Variants in GSTO2 observed in about 807,000 individuals in gnomAD.
GSTO2 encodes the protein glutathione S-transferase omega-2.
A neutral mutation model predicts 28.4 loss-of-function variants in GSTO2; 23 were observed. That is an observed-to-expected ratio of 0.81 (90% CI 0.58 to 1.15). GSTO2 has a LOEUF of 1.15. GSTO2 is among the 50% of genes most tolerant of loss of function. The probability of loss-of-function intolerance (pLI) is 0.00; values close to 1 mark genes in which losing one functional copy is unlikely to be tolerated. For synonymous variants in GSTO2, 109 were observed against 111.0 expected (o/e 0.98, Z 0.11); for missense variants, 298 against 297.8 (o/e 1.00, Z 0.00).
chr10:104,293,585 T>TTTTTTTTTTTTTTTTTTTTTGGG (rs2012885593), intron 5 of GSTO2, among the ~76,000 whole-genome samples: 3 of 145,540 alleles, frequency 2.1e-5, no homozygotes, highest in Non-Finnish European at 4.5e-5. Context: ...TTTTTTTTTT[T>TTTTTTTTTTTTTTTTTTTTTGGG]GCGACAAGGT....
rs181397641 is a variant in GSTO2, at chr10:104,302,567, G to A, written c.*3283G>A. On this transcript the variant is annotated 3_prime_UTR_variant, in exon 7 of 7. Coordinates refer to ENST00000338595, the MANE Select transcript of GSTO2 (RefSeq NM_183239.2). ...ATGGTCGTGGTGCTGGTGACTAAAT[G>A]GTACTTGAAATTTCTTTTAGATCTA... 191 of 152,440 alleles carry A rather than the reference G, an allele frequency of 1.3e-3. 3 individuals are homozygous for A. The highest frequency in any genetic ancestry group is 1.8e-4 in the Non-Finnish European group (12 of 68,038). 9.4% of individuals were successfully genotyped at this position (152,440 alleles called of 1,614,324 possible).
intron 5 of GSTO2, among the ~76,000 whole-genome samples, chr10:104,282,225 CAAAA>C (rs71022727): frequency 5.6e-5 from 5 of 88,962 alleles, no homozygotes; most frequent in African/African-American, 1.8e-4. Flanking sequence ...GACTCTGTTT[CAAAA>C]AAAAAAAAAA....
chr10:104,273,306 A>G (rs368305064), intron 1 of GSTO2, among the ~76,000 whole-genome samples: 10 of 152,336 alleles, frequency 6.6e-5, no homozygotes, highest in African/African-American at 2.2e-4. Flanking sequence ...TTTCTTGCTG[A>G]CATATATGCA....
rs151140538 is a variant in GSTO2, at chr10:104,297,396, G to C, written c.469-182G>C. 689 of 477,390 alleles carry C rather than the reference G, an allele frequency of 1.4e-3. 4 individuals are homozygous for C. Among genetic ancestry groups the C allele is most frequent in the Middle Eastern group, 0.011 (18 of 1,684 alleles). 29.6% of individuals were successfully genotyped at this position (477,390 alleles called of 1,614,324 possible). On this transcript the variant is annotated intron_variant, in intron 5 of 6. Coordinates refer to ENST00000338595, the MANE Select transcript of GSTO2 (RefSeq NM_183239.2). Reference sequence around the variant, plus strand: ...AAGGGACAGAGGTGGCCAGGAGTGTGACCCTAAAAGAGGCAGAGGAGACCT... The same window carrying C: ...AAGGGACAGAGGTGGCCAGGAGTGTCACCCTAAAAGAGGCAGAGGAGACCT...
rs750284037 is a variant in GSTO2 at position 104,301,284 on chromosome 10, T to C, written c.*2000T>C. 1.4e-4 allele frequency: 21 copies of C among 152,222 alleles called. No homozygotes were observed. The highest frequency in any genetic ancestry group is 6.5e-4 in the Admixed American group (10 of 15,288). The allele number at this position is 152,222 out of a possible 1,614,324, so 9.4% of individuals were successfully genotyped here. On this transcript the variant is annotated 3_prime_UTR_variant, in exon 7 of 7. Coordinates refer to ENST00000338595, the MANE Select transcript of GSTO2 (RefSeq NM_183239.2). Reference sequence around the variant, plus strand: ...CTCACCAAAATGAAGGTGTTCTCTTTTGGGGCTCCGCACACTAATTTAGAA... The same window carrying C: ...CTCACCAAAATGAAGGTGTTCTCTTCTGGGGCTCCGCACACTAATTTAGAA...
At chr10:104,295,987 T>C (rs1564852996) in intron 5 of GSTO2, 1 of 152,294 alleles carries the variant, frequency 6.6e-6, no homozygotes, top group Admixed American at 6.5e-5. Flanking sequence ...TAGGGAAGTA[T>C]TGAGTTGATT....
intron 5 of GSTO2, among the ~76,000 whole-genome samples, chr10:104,293,563 ATTTTTTT>A (rs397787244): frequency 2.2e-4 from 18 of 81,644 alleles, no homozygotes; most frequent in Non-Finnish European, 1.4e-4. Flanking sequence ...CGCCTGGCCA[ATTTTTTT>A]TTTTTTTTTT....
At chr10:104,296,613 T>TAAAAAAAAAAAA (rs11347549) in intron 5 of GSTO2, 1 of 66,518 alleles carries the variant, frequency 1.5e-5, no homozygotes, top group African/African-American at 6.3e-5. Context: ...AGACCCTATC[T>TAAAAAAAAAAAA]AAAAAAAAAA....
At chr10:104,275,475 A>C in intron 3 of GSTO2, 141 bp downstream of exon 3, 1 of 682,210 alleles carries the variant, frequency 1.5e-6, no homozygotes. Context: ...AACAAATAGC[A>C]AAGGGCGAGC....
rs900824526 is a variant in GSTO2, at chr10:104,299,867, C to T, written c.*583C>T. 1 of 156,856 alleles carries T rather than the reference C, an allele frequency of 6.4e-6. No individual in the cohort carries two copies. The highest frequency in any genetic ancestry group is 6.5e-5 in the Admixed American group (1 of 15,340). The allele number at this position is 156,856 out of a possible 1,614,324, so 9.7% of individuals were successfully genotyped here. A position where few individuals can be genotyped will look rare whatever the true frequency, so the allele number is the denominator to read the frequency against. Reference sequence around the variant, plus strand: ...CCTGTGTGCCTCCTAACTCCTTGGCCTTCAGCCTAGTTTGATCTCCAGATT... The same window carrying T: ...CCTGTGTGCCTCCTAACTCCTTGGCTTTCAGCCTAGTTTGATCTCCAGATT... On this transcript the variant is annotated 3_prime_UTR_variant, in exon 7 of 7. Coordinates refer to ENST00000338595, the MANE Select transcript of GSTO2 (RefSeq NM_183239.2).
chr10:104,299,256 C>G lies in GSTO2; in HGVS notation c.704C>G (p.Pro235Arg). Residue 235 changes from proline (P) to arginine (R), a missense_variant, in exon 7 of 7, where the codon CCT becomes CGT. Pro to Arg is a moderately radical substitution (Grantham distance 103, BLOSUM62 -2). Transcript: ENST00000338595. ...TTGAATCTCTATTTTCAGAACAACC[C>G]TAATGCCTTTGACTTTGGGCTGTGC... ...GFLNLYFQNN[P>R]NAFDFGLC The G allele has an allele frequency of 1.2e-6, 2 of 1,614,160 alleles. No homozygotes were observed. The highest frequency in any genetic ancestry group is 1.7e-6 in the Non-Finnish European group (2 of 1,180,028).
At chr10:104,269,948 G>C (rs1051275241) in intron 1 of GSTO2, among the ~76,000 whole-genome samples, 1 of 151,864 alleles carries the variant, frequency 6.6e-6, no homozygotes, top group African/African-American at 2.4e-5. Flanking sequence ...CCGTTCGTGA[G>C]ATGAATTTAT....
intron 5 of GSTO2, chr10:104,291,629 G>A (rs1454578790): frequency 6.6e-6 from 1 of 152,252 alleles, no homozygotes; most frequent in South Asian, 2.1e-4. Context: ...GTTCTCCTTC[G>A]TCCCTCTGGG....
At position 104,299,040 on chromosome 10, in the gene GSTO2, C is replaced by T. The variant is rs1274040895; in HGVS notation, c.576-88C>T. On this transcript the variant is annotated intron_variant, in intron 6 of 6. Coordinates refer to ENST00000338595, the MANE Select transcript of GSTO2 (RefSeq NM_183239.2). ...TAACTTCCCAAATAAACTCATTCTT[C>T]ATATCTTGCAAATCTAAAAAGCAAC... 5.8e-6 allele frequency: 7 copies of T among 1,208,894 alleles called. No individual in the cohort carries two copies. The South Asian group carries it at 1.0e-4, about 17-fold the overall frequency. The allele number at this position is 1,208,894 out of a possible 1,614,324, so 74.9% of individuals were successfully genotyped here.
chr10:104,301,162 T>C lies in GSTO2; in HGVS notation c.*1878T>C, dbSNP rs1025279397. The C allele has an allele frequency of 2.4e-4, 36 of 152,236 alleles. No individual in the cohort carries two copies. Among genetic ancestry groups the C allele is most frequent in the African/African-American group, 8.4e-4 (35 of 41,446 alleles). The allele number at this position is 152,236 out of a possible 1,614,324, so 9.4% of individuals were successfully genotyped here. On this transcript the variant is annotated 3_prime_UTR_variant, in exon 7 of 7. Transcript: ENST00000338595. ...TGGCCTCTCATAGGACTTAGGAGAT[T>C]GATCAGCCTTTTGCCGGTACAAATC... is the stretch of plus-strand genomic sequence containing the variant.
chr10:104,283,531 C>T (rs528782266), intron 5 of GSTO2, among the ~76,000 whole-genome samples: 15 of 152,256 alleles, frequency 9.9e-5, no homozygotes, highest in South Asian at 2.1e-4. Flanking sequence ...GAGGCTGAGG[C>T]GGGAGCATCT....
intron 5 of GSTO2, among the ~76,000 whole-genome samples, chr10:104,280,469 T>C (rs780558599): frequency 2.0e-5 from 3 of 152,182 alleles, no homozygotes; most frequent in Non-Finnish European, 4.4e-5. Context: ...TTACATTTCG[T>C]TGGCCAGAAC....
At position 104,277,908 on chromosome 10, in the gene GSTO2, AC is replaced by A. The variant is rs754133511; in HGVS notation, c.159del (p.Asn53LysfsTer4). ...TGCTTTTTAAGACATGAAGTGGTCA[AC>A]ATTAACCTGAGAAACAAGCCTGAAT... ...KAKDIRHEVV[N>X]INLRNKPEWY... On this transcript the variant is annotated frameshift_variant, in exon 4 of 7. Transcript: ENST00000338595. LOFTEE classifies it high-confidence loss of function. 12 of 1,613,564 alleles carry A rather than the reference AC, an allele frequency of 7.4e-6. No homozygotes were observed. Among genetic ancestry groups the A allele is most frequent in the Non-Finnish European group, 1.0e-5 (12 of 1,179,446 alleles).
In GSTO2 at chr10:104,301,547, G is replaced by C. The variant is rs1396765532; in HGVS notation, c.*2263G>C. 3 of 152,210 alleles carry C rather than the reference G, an allele frequency of 2.0e-5. No individual in the cohort carries two copies. The highest frequency in any genetic ancestry group is 1.3e-4 in the Admixed American group (2 of 15,276). 9.4% of individuals were successfully genotyped at this position (152,210 alleles called of 1,614,324 possible). A position where few individuals can be genotyped will look rare whatever the true frequency, so the allele number is the denominator to read the frequency against. On this transcript the variant is annotated 3_prime_UTR_variant, in exon 7 of 7. Coordinates refer to ENST00000338595, the MANE Select transcript of GSTO2 (RefSeq NM_183239.2). ...AATCTTTGAATAAAACTAGAAGGAT[G>C]TGGCCTGGAGAAAAGAGGGAAGGAG...
Sources: gnomAD v4.1 joint callset for allele counts (sites outside exome capture counted in the v4.1 genomes callset) on GRCh38, gnomAD v4.1.1 for gene constraint, MANE v1.5 for transcripts, NCBI Gene and HGNC (gene_info 2026-07-23, HGNC 2026-07-21) for gene names.